Variants in CDKN2B-AS1 observed in about 807,000 individuals in gnomAD.
CDKN2B-AS1 encodes CDKN2B antisense RNA 1 (non-protein coding).
At chr9:21,994,812 C>A (rs1393582183), upstream of CDKN2B-AS1, 3 of 173,514 alleles carry the variant, frequency 1.7e-5, no homozygotes, top group African/African-American at 4.8e-5. Context: ...TCACCTGACA[C>A]GGCCCTACCA....
rs1587403243 is a variant in CDKN2B-AS1 at position 22,015,977 on chromosome 9, T to G, written n.29+20816T>G. On this transcript the variant is annotated intron_variant and non_coding_transcript_variant, in intron 1 of 4. Coordinates refer to ENST00000650946, the Ensembl canonical transcript of CDKN2B-AS1. ...TTCTTGTAAATTTGTTTGAGTTCAT[T>G]GTAGATTCTGGATATTAGCCCTTTG... Among the ~76,000 whole-genome samples the G allele has an allele frequency of 2.0e-5, 3 of 152,240 alleles. No individual in the cohort carries two copies. The South Asian group carries it at 6.2e-4, about 32-fold the overall frequency.
chr9:22,094,151 T>TC lies in CDKN2B-AS1; in HGVS notation n.439-32951dup, dbSNP rs539647268. 1.6e-3 allele frequency among the ~76,000 whole-genome samples: 234 copies of TC among 144,614 alleles called. 16 individuals carry two copies. Among genetic ancestry groups the TC allele is most frequent in the South Asian group, 9.5e-3 (45 of 4,720 alleles). The allele number at this position is 144,614 out of a possible 152,430, so 94.9% of individuals were successfully genotyped here. ...AAGAATGTTGAATATTGGCCCCCAC[T>TC]CTCTTCTGGCTTGTAGAGTTTCTAC... On this transcript the variant is annotated intron_variant and non_coding_transcript_variant, in intron 4 of 4. Transcript: ENST00000650946.
chr9:22,017,927 C>G (rs1821846669), intron 1 of CDKN2B-AS1, among the ~76,000 whole-genome samples: 1 of 151,574 alleles, frequency 6.6e-6, no homozygotes. Flanking sequence ...AGACTCTCTT[C>G]TGCTCTGTTC....
chr9:22,104,993 G>A (rs1336652982), intron 4 of CDKN2B-AS1, among the ~76,000 whole-genome samples: 1 of 152,180 alleles, frequency 6.6e-6, no homozygotes, highest in Non-Finnish European at 1.5e-5. Context: ...TAGAGGTTAA[G>A]TCTCACAGCC....
At chr9:22,040,261 A>G (rs114850694) in intron 1 of CDKN2B-AS1, among the ~76,000 whole-genome samples, 3 of 152,072 alleles carry the variant, frequency 2.0e-5, no homozygotes, top group Non-Finnish European at 4.4e-5. Flanking sequence ...CCTTATCAGC[A>G]TTCTATGGTG....
At chr9:22,085,172 T>A (rs563713973) in intron 4 of CDKN2B-AS1, among the ~76,000 whole-genome samples, 4 of 152,326 alleles carry the variant, frequency 2.6e-5, no homozygotes, top group African/African-American at 9.6e-5. Context: ...ACATTTCCAA[T>A]ACTTGGGTTA....
intron 1 of CDKN2B-AS1, among the ~76,000 whole-genome samples, chr9:22,010,195 C>T (rs1821428687): frequency 6.6e-6 from 1 of 152,146 alleles, no homozygotes; most frequent in African/African-American, 2.4e-5. Flanking sequence ...ACAGGCTGAA[C>T]CTGTCATTAA....
chr9:22,124,399 A>AGT (rs1188485850), intron 4 of CDKN2B-AS1, among the ~76,000 whole-genome samples: 1 of 152,228 alleles, frequency 6.6e-6, no homozygotes. Context: ...AAAGTGACAA[A>AGT]GAGGACAGTT....
chr9:22,073,862 A>G (rs923134311), intron 4 of CDKN2B-AS1, among the ~76,000 whole-genome samples: 6 of 147,910 alleles, frequency 4.1e-5, no homozygotes, highest in African/African-American at 1.6e-4. Flanking sequence ...GTACATACCT[A>G]GATAATTTTT....
intron 3 of CDKN2B-AS1, among the ~76,000 whole-genome samples, chr9:22,052,712 C>G (rs1258105614): frequency 6.6e-6 from 1 of 152,226 alleles, no homozygotes; most frequent in African/African-American, 2.4e-5. Flanking sequence ...TTATTCAGTC[C>G]AGAGCAAGTG....
intron 4 of CDKN2B-AS1, among the ~76,000 whole-genome samples, chr9:22,063,594 T>G (rs1397968668): frequency 6.6e-6 from 1 of 152,204 alleles, no homozygotes; most frequent in Non-Finnish European, 1.5e-5. Context: ...AAGATTGCAT[T>G]GATCCTGTGT....
intron 4 of CDKN2B-AS1, among the ~76,000 whole-genome samples, chr9:22,125,274 G>C (rs960601212): frequency 1.3e-5 from 2 of 152,196 alleles, no homozygotes; most frequent in African/African-American, 2.4e-5. Flanking sequence ...ACCCGAAGTA[G>C]AGCTGCAAAG....
At chr9:22,012,669 G>A (rs117507589) in intron 1 of CDKN2B-AS1, 16 of 351,218 alleles carry the variant, frequency 4.6e-5, no homozygotes, top group Non-Finnish European at 8.2e-5. Flanking sequence ...AAGAGAAACA[G>A]CGACCTAACC....
intron 4 of CDKN2B-AS1, among the ~76,000 whole-genome samples, chr9:22,078,950 AGTTT>A: frequency 6.6e-6 from 1 of 152,264 alleles, no homozygotes; most frequent in South Asian, 2.1e-4. Context: ...ACTTTTACTG[AGTTT>A]GTTTGGATCC....
At chr9:22,063,172 A>G (rs529597322) in intron 4 of CDKN2B-AS1, among the ~76,000 whole-genome samples, 1 of 152,238 alleles carries the variant, frequency 6.6e-6, no homozygotes, top group South Asian at 2.1e-4. Context: ...AACTGAAGCT[A>G]TAGGAGCAGA....
rs34297943 is a variant in CDKN2B-AS1, at chr9:21,997,480, GGA to G, written n.29+2342_29+2343del. On this transcript the variant is annotated intron_variant and non_coding_transcript_variant, in intron 1 of 4. Transcript: ENST00000650946. This position sits in a 1 kb window ranked among gnomAD's most constrained non-coding sequence, Gnocchi z 4.8. ...ATGTGGGGGAGAGAAAGAGAGGGAG[GGA>G]GAGAGAGAGAGAGAGAGAGAGAAAG... is the stretch of plus-strand genomic sequence containing the variant. Among the ~76,000 whole-genome samples the G allele has an allele frequency of 1.6e-3, 238 of 145,946 alleles. No homozygotes were observed. Among genetic ancestry groups the G allele is most frequent in the African/African-American group, 3.4e-3 (133 of 39,624 alleles).
chr9:22,076,695 TTA>T (rs1824505645), intron 4 of CDKN2B-AS1, among the ~76,000 whole-genome samples: 1 of 152,160 alleles, frequency 6.6e-6, no homozygotes, highest in Non-Finnish European at 1.5e-5. Context: ...TTATTATTTT[TTA>T]AATTTATTTT....
chr9:22,050,113 A>T (rs189439308), intron 3 of CDKN2B-AS1, among the ~76,000 whole-genome samples: 3 of 152,194 alleles, frequency 2.0e-5, no homozygotes, highest in Non-Finnish European at 4.4e-5. Flanking sequence ...GAAACATTAA[A>T]AAGTTGAATG....
At chr9:22,083,133 C>G (rs1169202649) in intron 4 of CDKN2B-AS1, among the ~76,000 whole-genome samples, 1 of 152,172 alleles carries the variant, frequency 6.6e-6, no homozygotes. Context: ...CGTATGTTAT[C>G]CCATCTAAAT....
Sources: gnomAD v4.1 joint callset for allele counts (sites outside exome capture counted in the v4.1 genomes callset) on GRCh38, gnomAD v4.1.1 for gene constraint, Gnocchi (gnomAD v3.1) non-coding constraint, MANE v1.5 for transcripts, NCBI Gene and HGNC (gene_info 2026-07-23, HGNC 2026-07-21) for gene names.